KHDRBS2: variants seen among roughly 807,000 people sequenced by gnomAD.
KHDRBS2 encodes KH domain-containing, RNA-binding, signal transduction-associated protein 2.
A neutral mutation model predicts 44.3 loss-of-function variants in KHDRBS2; 26 were observed. That is an observed-to-expected ratio of 0.59 (90% confidence interval 0.43 to 0.81). KHDRBS2 has a LOEUF of 0.81. KHDRBS2 is among the 40% of genes least tolerant of loss of function. The pLI is 0.00. For synonymous variants in KHDRBS2, 194 were observed against 151.1 expected (o/e 1.28, Z -2.08); for missense variants, 476 against 433.1 (o/e 1.10, Z -0.88).
chr6:62,210,739 AAT>A (rs1828905966), intron 1 of KHDRBS2, among the ~76,000 whole-genome samples: 1 of 152,174 alleles, frequency 6.6e-6, no homozygotes, highest in Non-Finnish European at 1.5e-5. Flanking sequence ...CCTGAATATG[AAT>A]AGTTAAATTA....
intron 2 of KHDRBS2, among the ~76,000 whole-genome samples, chr6:62,107,652 A>T (rs879789265): frequency 6.6e-6 from 1 of 152,184 alleles, no homozygotes; most frequent in Non-Finnish European, 1.5e-5. Flanking sequence ...CCTAAGCTAA[A>T]AGAACAAAGC....
chr6:61,755,949 G>A (rs1778428489), intron 6 of KHDRBS2, among the ~76,000 whole-genome samples: 3 of 152,098 alleles, frequency 2.0e-5, no homozygotes, highest in African/African-American at 7.2e-5. Flanking sequence ...TTGTTCTGAG[G>A]TCTTTCACTT....
In KHDRBS2 at chr6:61,848,466, G is replaced by GTT. The variant is rs1388113141; in HGVS notation, c.810+46167_810+46168dup. Among the ~76,000 whole-genome samples the GTT allele has an allele frequency of 6.5e-4, 53 of 81,286 alleles. 1 individual carries two copies. The highest frequency in any genetic ancestry group is 2.7e-3 in the African/African-American group (45 of 16,804). 53.3% of individuals were successfully genotyped at this position (81,286 alleles called of 152,430 possible). A position where few individuals can be genotyped will look rare whatever the true frequency, so the allele number is the denominator to read the frequency against. On this transcript the variant is annotated intron_variant, in intron 6 of 8. Transcript: ENST00000281156. ...AAAGGTTATATTGAGAGAAATGGAG[G>GTT]TTTTATATATATATATATATATATG...
At chr6:61,849,325 G>A (rs927965689) in intron 6 of KHDRBS2, among the ~76,000 whole-genome samples, 32 of 151,998 alleles carry the variant, frequency 2.1e-4, no homozygotes, top group Admixed American at 1.9e-3. Context: ...TTGTCTGAGA[G>A]TAATGATTTC....
chr6:61,960,558 T>C (rs1194780235), intron 4 of KHDRBS2, among the ~76,000 whole-genome samples: 1 of 152,056 alleles, frequency 6.6e-6, no homozygotes, highest in Non-Finnish European at 1.5e-5. Flanking sequence ...CTTAGATCAA[T>C]AAAAACATGA....
the KHDRBS2 span, among the ~76,000 whole-genome samples, chr6:61,598,017 C>T: frequency 6.7e-6 from 1 of 149,924 alleles, no homozygotes; most frequent in African/African-American, 2.4e-5. Context: ...GTACTCTGAG[C>T]AGCCAGCCTT....
chr6:62,199,613 T>C (rs908348048), intron 1 of KHDRBS2, among the ~76,000 whole-genome samples: 8 of 152,210 alleles, frequency 5.3e-5, no homozygotes, highest in African/African-American at 1.4e-4. Context: ...GAAAATTCCA[T>C]GCTCATGGGT....
chr6:61,869,995 C>T (rs1289414992), intron 6 of KHDRBS2, among the ~76,000 whole-genome samples: 1 of 70,256 alleles, frequency 1.4e-5, no homozygotes, highest in Non-Finnish European at 2.7e-5. Flanking sequence ...TTTCCCCATA[C>T]TACAGTGGTG....
intron 4 of KHDRBS2, among the ~76,000 whole-genome samples, chr6:61,929,304 T>C (rs1330788346): frequency 6.6e-6 from 1 of 152,206 alleles, no homozygotes; most frequent in Non-Finnish European, 1.5e-5. Context: ...TGTACTATAG[T>C]AGTAAAGTCT....
chr6:62,016,944 A>C (rs1290921168), intron 3 of KHDRBS2, among the ~76,000 whole-genome samples: 2 of 152,160 alleles, frequency 1.3e-5, no homozygotes, highest in Non-Finnish European at 2.9e-5. Flanking sequence ...ATACACACTA[A>C]AAAAATATTC....
At chr6:61,769,212 C>T (rs775948961) in intron 6 of KHDRBS2, among the ~76,000 whole-genome samples, 17 of 152,196 alleles carry the variant, frequency 1.1e-4, no homozygotes, top group South Asian at 2.1e-4. Flanking sequence ...GGAACAGCTC[C>T]GGTCTACGGA....
intron 3 of KHDRBS2, among the ~76,000 whole-genome samples, chr6:61,996,790 C>T (rs561871350): frequency 3.3e-5 from 5 of 149,476 alleles, no homozygotes; most frequent in African/African-American, 1.2e-4. Context: ...CTCCTCCCCC[C>T]CTCACCCCCC....
intron 3 of KHDRBS2, among the ~76,000 whole-genome samples, chr6:61,986,087 T>G (rs1335604680): frequency 2.0e-5 from 3 of 152,212 alleles, no homozygotes; most frequent in African/African-American, 7.2e-5. Context: ...ATTTATTATC[T>G]GTGATGTTTG....
intron 8 of KHDRBS2, among the ~76,000 whole-genome samples, chr6:61,684,428 T>C (rs1358000503): frequency 6.6e-6 from 1 of 151,934 alleles, no homozygotes; most frequent in East Asian, 1.9e-4. Flanking sequence ...AAATTTGAAG[T>C]TGTAAAGACC....
chr6:61,902,291 C>T (rs1804200368), intron 4 of KHDRBS2, among the ~76,000 whole-genome samples: 1 of 152,046 alleles, frequency 6.6e-6, no homozygotes, highest in Non-Finnish European at 1.5e-5. Flanking sequence ...CTATGAGTTC[C>T]AGTATTAGGC....
chr6:61,901,663 G>T (rs987315262), intron 4 of KHDRBS2, among the ~76,000 whole-genome samples: 1 of 152,152 alleles, frequency 6.6e-6, no homozygotes, highest in Non-Finnish European at 1.5e-5. Flanking sequence ...AAGGAAGATA[G>T]CAACATAAAA....
At chr6:62,016,789 A>G (rs1231177772) in intron 3 of KHDRBS2, among the ~76,000 whole-genome samples, 2 of 151,960 alleles carry the variant, frequency 1.3e-5, no homozygotes, top group Admixed American at 6.6e-5. Context: ...CTGGTCATAA[A>G]CAGTGGCCAT....
At chr6:61,839,484 A>G (rs559636898) in intron 6 of KHDRBS2, among the ~76,000 whole-genome samples, 1 of 152,260 alleles carries the variant, frequency 6.6e-6, no homozygotes, top group South Asian at 2.1e-4. Flanking sequence ...AATGTGTTTA[A>G]TAGTCAACTG....
At chr6:61,676,826 G>T (rs1466680122), downstream of KHDRBS2, among the ~76,000 whole-genome samples, 1 of 151,700 alleles carries the variant, frequency 6.6e-6, no homozygotes, top group Non-Finnish European at 1.5e-5. Flanking sequence ...CATATTAAAG[G>T]CCATGCTAAT....
Sources: allele counts gnomAD v4.1 joint callset (sites outside exome capture counted in the v4.1 genomes callset), GRCh38; gene constraint gnomAD v4.1.1; transcripts MANE v1.5; gene names NCBI Gene and HGNC (gene_info 2026-07-23, HGNC 2026-07-21).